Variants in KLF3 observed in about 807,000 individuals in gnomAD.
The protein encoded by KLF3 is KLF transcription factor 3, also known as Krueppel-like factor 3.
A neutral mutation model predicts 32.7 loss-of-function variants in KLF3; 6 were observed. The observed-to-expected ratio is 0.18, with a 90% CI of 0.10 to 0.36. The LOEUF (loss-of-function observed/expected upper bound fraction) is 0.36. Among genes scored for constraint, KLF3 ranks in the 10% least tolerant of loss-of-function variants. The pLI is 1.00. For synonymous variants in KLF3, 145 were observed against 172.8 expected (o/e 0.84, Z 1.26); for missense variants, 338 against 449.7 (o/e 0.75, Z 2.25).
Position 38,680,587 on chromosome 4 carries a change from G to A in KLF3, c.-39G>A. 1 of 1,528,696 alleles carries A rather than the reference G, an allele frequency of 6.5e-7. No homozygotes were observed. The highest frequency in any genetic ancestry group is 9.1e-7 in the Non-Finnish European group (1 of 1,103,420). The allele number at this position is 1,528,696 out of a possible 1,614,324, so 94.7% of individuals were successfully genotyped here. A position where few individuals can be genotyped will look rare whatever the true frequency, so the allele number is the denominator to read the frequency against. ...ATGGATACCTTGTTTTGTTTTCTAG[G>A]CCAAACACCAGAGCACCCTAGAAGG... On this transcript the variant is annotated splice_region_variant and 5_prime_UTR_variant, in exon 2 of 6. Coordinates refer to ENST00000261438, the MANE Select transcript of KLF3 (RefSeq NM_016531.6).
rs753061510 is a variant in KLF3 at position 38,689,087 on chromosome 4, G to T, written c.544+16G>T. On this transcript the variant is annotated intron_variant, in intron 3 of 5. Transcript: ENST00000261438. ...AGCATGCAAGGTAAATTCCGCCACT[G>T]CTCCATGCTGCTGCACTTGCTTAGC... The T allele has an allele frequency of 5.0e-6, 8 of 1,610,818 alleles. No individual in the cohort carries two copies. In the East Asian group the frequency reaches 1.8e-4, roughly 36 times the overall value.
At chr4:38,673,368 G>C (rs1722255289) in intron 1 of KLF3, among the ~76,000 whole-genome samples, 1 of 152,236 alleles carries the variant, frequency 6.6e-6, no homozygotes, top group Non-Finnish European at 1.5e-5. Flanking sequence ...AGAGGCAGAT[G>C]AGAGGCAGTG....
intron 4 of KLF3, chr4:38,690,200 A>C: frequency 3.5e-6 from 1 of 287,774 alleles, no homozygotes; most frequent in Admixed American, 4.9e-5. Flanking sequence ...TTTTTCCATT[A>C]TGAGAATCCT....
chr4:38,697,125 G>T lies in KLF3; in HGVS notation c.900G>T (p.Lys300Asn). Residue 300 changes from lysine (K) to asparagine (N), a missense_variant, in exon 6 of 6, where the codon AAG becomes AAT. This residue lies in a region of KLF3 where 66 missense variants were observed against 136.2 expected (regional missense o/e 0.48). Coordinates refer to ENST00000261438, the MANE Select transcript of KLF3 (RefSeq NM_016531.6). The stretch of plus-strand genomic sequence containing the variant: ...GTACATGGGAAGGGTGCACATGGAA[G>T]TTTGCTCGGTCTGATGAACTAACAA... ...YKCTWEGCTW[K>N]FARSDELTRH... 6.2e-7 allele frequency: 1 copy of T among 1,613,910 alleles called. No individual in the cohort carries two copies. Among genetic ancestry groups the T allele is most frequent in the Non-Finnish European group, 8.5e-7 (1 of 1,179,894 alleles).
chr4:38,669,657 C>T (rs558605102), intron 1 of KLF3, among the ~76,000 whole-genome samples: 91 of 152,116 alleles, frequency 6.0e-4, no homozygotes, highest in Admixed American at 2.4e-3. Flanking sequence ...CTTTGGGAGG[C>T]CGAAGTGGGT....
chr4:38,672,240 T>G (rs189703334), intron 1 of KLF3, among the ~76,000 whole-genome samples: 18 of 152,348 alleles, frequency 1.2e-4, no homozygotes, highest in Admixed American at 3.9e-4. Context: ...AGTGCTCTTA[T>G]GTTAGCTCCT....
At position 38,690,006 on chromosome 4, in the gene KLF3, GCCACTGGTCCAGTA is replaced by G. The variant is rs574299646; in HGVS notation, c.695+137_695+150del. ...CAGGAACGGCTTGTGATCTGTGGCC[GCCACTGGTCCAGTA>G]CCACTGGTCAAGATGGGAGAATCTC... On this transcript the variant is annotated intron_variant, in intron 4 of 5. Transcript: ENST00000261438. 277 of 871,010 alleles carry G rather than the reference GCCACTGGTCCAGTA, an allele frequency of 3.2e-4. 3 individuals are homozygous for G. The South Asian group carries it at 4.9e-3, about 16-fold the overall frequency. The allele number at this position is 871,010 out of a possible 1,614,324, so 54.0% of individuals were successfully genotyped here. A position where few individuals can be genotyped will look rare whatever the true frequency, so the allele number is the denominator to read the frequency against.
At chr4:38,680,100 T>C (rs1005243480) in intron 1 of KLF3, among the ~76,000 whole-genome samples, 2 of 152,172 alleles carry the variant, frequency 1.3e-5, no homozygotes, top group Admixed American at 6.5e-5. Context: ...GTTTTAATTA[T>C]GTAAATGGCA....
chr4:38,693,077 C>T (rs143633377), intron 4 of KLF3, among the ~76,000 whole-genome samples: 156 of 126,046 alleles, frequency 1.2e-3, no homozygotes, highest in African/African-American at 4.1e-3. Context: ...TATATATATA[C>T]ACATATATAT....
Position 38,699,067 on chromosome 4 carries a change from G to C in KLF3, c.*1804G>C, listed in dbSNP as rs960188727. 1 of 152,180 alleles carries C rather than the reference G, an allele frequency of 6.6e-6. No individual in the cohort carries two copies. The highest frequency in any genetic ancestry group is 1.5e-5 in the Non-Finnish European group (1 of 68,036). The allele number at this position is 152,180 out of a possible 1,614,324, so 9.4% of individuals were successfully genotyped here. A position where few individuals can be genotyped will look rare whatever the true frequency, so the allele number is the denominator to read the frequency against. ...AAAGTTGTAGGGACTGTGCACCTAA[G>C]AGGCTAAGAGGTCCCACTCATCCGC... On this transcript the variant is annotated 3_prime_UTR_variant, in exon 6 of 6. Coordinates refer to ENST00000261438, the MANE Select transcript of KLF3 (RefSeq NM_016531.6).
chr4:38,687,077 A>G (rs778462798), intron 2 of KLF3, among the ~76,000 whole-genome samples: 14 of 152,166 alleles, frequency 9.2e-5, no homozygotes, highest in Non-Finnish European at 1.8e-4. Context: ...TTAATAGTGC[A>G]TTTACGCTGT....
At chr4:38,686,589 A>C (rs1434207285) in intron 2 of KLF3, among the ~76,000 whole-genome samples, 1 of 152,128 alleles carries the variant, frequency 6.6e-6, no homozygotes, top group East Asian at 1.9e-4. Flanking sequence ...CCGGTAATTC[A>C]AAATTTGCAT....
rs569940036 is a variant in KLF3, at chr4:38,684,335, G to A, written c.57+3653G>A. 1.1e-3 allele frequency among the ~76,000 whole-genome samples: 168 copies of A among 152,224 alleles called. 1 individual carries two copies. The highest frequency in any genetic ancestry group is 3.9e-3 in the African/African-American group (163 of 41,534). On this transcript the variant is annotated intron_variant, in intron 2 of 5. Coordinates refer to ENST00000261438, the MANE Select transcript of KLF3 (RefSeq NM_016531.6). ...TCAGTAATAAAAACCTGCTAAGAGA[G>A]TGTGTCAATTTACTACACATTCATC...
At chr4:38,683,739 A>C (rs1369132498) in intron 2 of KLF3, among the ~76,000 whole-genome samples, 1 of 152,246 alleles carries the variant, frequency 6.6e-6, no homozygotes, top group Non-Finnish European at 1.5e-5. Context: ...AACAAACTTT[A>C]AAAGTATTCT....
intron 5 of KLF3, among the ~76,000 whole-genome samples, chr4:38,695,614 G>T (rs1723026138): frequency 6.6e-6 from 1 of 152,190 alleles, no homozygotes; most frequent in Non-Finnish European, 1.5e-5. Context: ...ACGTGCACCT[G>T]TGGTCCCAGC....
chr4:38,668,455 T>C (rs1406114666), intron 1 of KLF3, among the ~76,000 whole-genome samples: 1 of 152,160 alleles, frequency 6.6e-6, no homozygotes, highest in African/African-American at 2.4e-5. Context: ...GTTTTAAATG[T>C]CACATTCCAC....
At chr4:38,685,270 CAT>C (rs989281183) in intron 2 of KLF3, among the ~76,000 whole-genome samples, 4 of 152,328 alleles carry the variant, frequency 2.6e-5, no homozygotes, top group African/African-American at 9.6e-5. Context: ...TGAGGGACCA[CAT>C]GTCTTCACCC....
At chr4:38,676,772 G>A (rs1722365285) in intron 1 of KLF3, among the ~76,000 whole-genome samples, 1 of 151,698 alleles carries the variant, frequency 6.6e-6, no homozygotes, top group East Asian at 1.9e-4. Flanking sequence ...ATTTAGTTAG[G>A]AATTTCAAAA....
Position 38,699,899 on chromosome 4 carries a change from A to G in KLF3, c.*2636A>G, listed in dbSNP as rs188949139. 69 of 152,340 alleles carry G rather than the reference A, an allele frequency of 4.5e-4. No individual in the cohort carries two copies. The highest frequency in any genetic ancestry group is 1.4e-3 in the African/African-American group (58 of 41,574). 9.4% of individuals were successfully genotyped at this position (152,340 alleles called of 1,614,324 possible). On this transcript the variant is annotated 3_prime_UTR_variant, in exon 6 of 6. Coordinates refer to ENST00000261438, the MANE Select transcript of KLF3 (RefSeq NM_016531.6). ...TTAGCTGTTATTGTGGAAGACCTCA[A>G]ATACAAGATTAGATGCCCTTGAACA...
Sources: allele counts gnomAD v4.1 joint callset (sites outside exome capture counted in the v4.1 genomes callset), GRCh38; gene constraint gnomAD v4.1.1; regional missense constraint gnomAD v4.1.1; transcripts MANE v1.5; gene names NCBI Gene and HGNC (gene_info 2026-07-23, HGNC 2026-07-21).